CFAP20DC: variants seen among roughly 807,000 people sequenced by gnomAD.
CFAP20DC encodes protein CFAP20DC.
CFAP20DC carries 84 observed loss-of-function variants against 101.7 expected under a neutral mutation model. That is an observed-to-expected ratio of 0.83 (90% CI 0.69 to 0.99). The LOEUF is 0.99. Ranked by LOEUF, CFAP20DC falls within the 50% of genes least tolerant of loss-of-function variation. CFAP20DC has a pLI of 0.00. For synonymous variants in CFAP20DC, 359 were observed against 351.2 expected (o/e 1.02, Z -0.25); for missense variants, 1,007 against 970.3 (o/e 1.04, Z -0.50).
intron 14 of CFAP20DC, among the ~76,000 whole-genome samples, chr3:58,822,446 G>A (rs2075739460): frequency 6.6e-6 from 1 of 150,896 alleles, no homozygotes; most frequent in Non-Finnish European, 1.5e-5. Flanking sequence ...GTGGGGTGGT[G>A]GGAGGGGGAA....
chr3:58,762,448 G>A (rs1366096946), intron 15 of CFAP20DC, among the ~76,000 whole-genome samples: 1 of 152,104 alleles, frequency 6.6e-6, no homozygotes, highest in Non-Finnish European at 1.5e-5. Context: ...CATGAGATGG[G>A]TTTCCTGAAT....
chr3:58,936,766 G>A (rs909924367), intron 5 of CFAP20DC, among the ~76,000 whole-genome samples: 1 of 152,074 alleles, frequency 6.6e-6, no homozygotes, highest in Admixed American at 6.6e-5. Flanking sequence ...ACACTCTGGG[G>A]ACTGTTGTGG....
In CFAP20DC at chr3:58,894,308, C is replaced by T. The variant is rs1013626943; in HGVS notation, c.551-9599G>A. On this transcript the variant is annotated intron_variant, in intron 6 of 16. Coordinates refer to ENST00000482387, the MANE Select transcript of CFAP20DC (RefSeq NM_001394063.1). The surrounding 1 kb of genome is among the most constrained non-coding windows in gnomAD (Gnocchi z 4.1). The stretch of plus-strand genomic sequence containing the variant: ...TCTTCTGAGACAAGGCAAGTCCCTT[C>T]TGCCTATGAGCCTGTAAAATCAAAA... Among the ~76,000 whole-genome samples the T allele has an allele frequency of 2.0e-5, 3 of 152,248 alleles. No homozygotes were observed. The highest frequency in any genetic ancestry group is 2.9e-5 in the Non-Finnish European group (2 of 68,046).
intron 15 of CFAP20DC, among the ~76,000 whole-genome samples, chr3:58,790,880 T>G (rs112841293): frequency 1.3e-5 from 2 of 152,080 alleles, no homozygotes; most frequent in African/African-American, 4.8e-5. Context: ...AATGTGAGAC[T>G]AGAGGAGAAA....
Position 58,863,458 on chromosome 3 carries a change from G to GCAGTTGAT in CFAP20DC, c.1593+92_1593+99dup. ...GCAATCTGTTGCATTTTTATAAATAGCAGTTGATTTTCCCTCTTTCATTTC... is the reference window on the plus strand; with the variant it reads ...GCAATCTGTTGCATTTTTATAAATAGCAGTTGATCAGTTGATTTTCCCTCTTTCATTTC... On this transcript the variant is annotated intron_variant, in intron 12 of 16. Coordinates refer to ENST00000482387, the MANE Select transcript of CFAP20DC (RefSeq NM_001394063.1). This position sits in a 1 kb window ranked among gnomAD's most constrained non-coding sequence, Gnocchi z 5.9. 1 of 1,513,492 alleles carries GCAGTTGAT rather than the reference G, an allele frequency of 6.6e-7. No homozygotes were observed. Among genetic ancestry groups the GCAGTTGAT allele is most frequent in the Non-Finnish European group, 8.8e-7 (1 of 1,132,946 alleles). The allele number at this position is 1,513,492 out of a possible 1,614,324, so 93.8% of individuals were successfully genotyped here.
intron 5 of CFAP20DC, among the ~76,000 whole-genome samples, chr3:58,915,223 A>C (rs1412694650): frequency 6.6e-6 from 1 of 152,154 alleles, no homozygotes; most frequent in Non-Finnish European, 1.5e-5. Flanking sequence ...CCTGTCAGTC[A>C]TCTAAACACG....
In CFAP20DC at chr3:58,884,632, G is replaced by T. The variant is rs1275636096; in HGVS notation, c.628C>A (p.Pro210Thr). The T allele has an allele frequency of 3.7e-6, 6 of 1,613,744 alleles. No individual in the cohort carries two copies. The highest frequency in any genetic ancestry group is 5.1e-6 in the Non-Finnish European group (6 of 1,179,698). ...ATGTTTAGCAGCTGTGTGACATGTG[G>T]AACATCTGTCATTAGTTGACAGCTT... ...PRSCQLMTDV[P>T]HVTQLLNMTK... Residue 210 changes from proline (P) to threonine (T), a missense_variant, in exon 7 of 17, where the codon CCA (proline) becomes ACA (threonine). Coordinates refer to ENST00000482387, the MANE Select transcript of CFAP20DC (RefSeq NM_001394063.1).
At chr3:58,909,725 GTTTAA>G (rs927497791) in intron 6 of CFAP20DC, among the ~76,000 whole-genome samples, 4 of 152,010 alleles carry the variant, frequency 2.6e-5, no homozygotes, top group African/African-American at 9.7e-5. Context: ...ATTAAATTAA[GTTTAA>G]TTTAATTTTA....
Position 58,747,992 on chromosome 3 carries a change from C to T in CFAP20DC, c.2333-5420G>A, listed in dbSNP as rs149953577. 8.2e-3 allele frequency among the ~76,000 whole-genome samples: 1,245 copies of T among 152,202 alleles called. 8 individuals carry two copies. Among genetic ancestry groups the T allele is most frequent in the Non-Finnish European group, 0.012 (844 of 68,000 alleles). Reference sequence around the variant, plus strand: ...TATTATATTTCAGGTGTCATTTGGGCAATAGGTACATTACCCCTTTTGTAA... The same window carrying T: ...TATTATATTTCAGGTGTCATTTGGGTAATAGGTACATTACCCCTTTTGTAA... On this transcript the variant is annotated intron_variant, in intron 16 of 16. Coordinates refer to ENST00000482387, the MANE Select transcript of CFAP20DC (RefSeq NM_001394063.1).
chr3:58,744,992 G>A (rs1575533037), intron 16 of CFAP20DC, among the ~76,000 whole-genome samples: 2 of 152,234 alleles, frequency 1.3e-5, no homozygotes, highest in Admixed American at 6.5e-5. Context: ...AAGTATGAAA[G>A]GACTTTGCTA....
intron 4 of CFAP20DC, among the ~76,000 whole-genome samples, chr3:59,034,763 C>T (rs913785194): frequency 6.6e-6 from 1 of 152,176 alleles, no homozygotes; most frequent in Non-Finnish European, 1.5e-5. Context: ...TAACACCCCA[C>T]TGTCAATATT....
At position 58,946,686 on chromosome 3, in the gene CFAP20DC, C is replaced by T. The variant is rs2089413420; in HGVS notation, c.279-8924G>A. Among the ~76,000 whole-genome samples the T allele has an allele frequency of 3.9e-5, 6 of 151,964 alleles. No individual in the cohort carries two copies. In the South Asian group the frequency reaches 1.2e-3, roughly 32 times the overall value. ...GGACAGAAACCAGGGGGTTAGCACC[C>T]GAGACTCCAGGAGAGAACATCCGAA... On this transcript the variant is annotated intron_variant, in intron 4 of 16. Coordinates refer to ENST00000482387, the MANE Select transcript of CFAP20DC (RefSeq NM_001394063.1).
intron 14 of CFAP20DC, among the ~76,000 whole-genome samples, chr3:58,811,779 T>C (rs1254228537): frequency 1.3e-5 from 2 of 151,766 alleles, no homozygotes; most frequent in Admixed American, 1.3e-4. Context: ...ACCTACAAAA[T>C]GGGAGAAAAT....
At position 59,032,962 on chromosome 3, in the gene CFAP20DC, C is replaced by T. The variant is rs189268811; in HGVS notation, c.278+6595G>A. 6.8e-4 allele frequency among the ~76,000 whole-genome samples: 103 copies of T among 152,250 alleles called. 1 individual carries two copies. The highest frequency in any genetic ancestry group is 3.4e-3 in the Middle Eastern group (1 of 294). On this transcript the variant is annotated intron_variant, in intron 4 of 16. Transcript: ENST00000482387. Reference sequence around the variant, plus strand: ...CATACAGGAGAGCTCCAGCTGGCATCTGGCAGGTGTGCCTCTGGGATGAAG... The same window carrying T: ...CATACAGGAGAGCTCCAGCTGGCATTTGGCAGGTGTGCCTCTGGGATGAAG...
At chr3:59,048,207 A>T (rs531323429) in intron 1 of CFAP20DC, among the ~76,000 whole-genome samples, 6 of 152,366 alleles carry the variant, frequency 3.9e-5, no homozygotes, top group African/African-American at 1.4e-4. Context: ...TATGAGGATT[A>T]AATACGGTTT....
intron 4 of CFAP20DC, among the ~76,000 whole-genome samples, chr3:58,954,553 G>T (rs191994276): frequency 6.6e-6 from 1 of 152,230 alleles, no homozygotes; most frequent in East Asian, 1.9e-4. Context: ...TATGTAAAAC[G>T]TTTCGATATA....
At chr3:59,032,834 GCACTCGAGC>G (rs2094022717) in intron 4 of CFAP20DC, among the ~76,000 whole-genome samples, 1 of 152,142 alleles carries the variant, frequency 6.6e-6, no homozygotes, top group Admixed American at 6.5e-5. Flanking sequence ...TCCCAGCACA[GCACTCGAGC>G]TCTGCTAAGG....
intron 4 of CFAP20DC, among the ~76,000 whole-genome samples, chr3:59,011,948 G>C (rs1180785440): frequency 6.6e-6 from 1 of 152,162 alleles, no homozygotes; most frequent in Non-Finnish European, 1.5e-5. Context: ...GGTGCAGAGA[G>C]TTTAAATTTA....
At chr3:58,942,445 G>A (rs1246332536) in intron 4 of CFAP20DC, among the ~76,000 whole-genome samples, 10 of 152,130 alleles carry the variant, frequency 6.6e-5, no homozygotes, top group Non-Finnish European at 1.5e-4. Context: ...AGGGTGGGGC[G>A]TTGCCTCACC....
Sources: gnomAD v4.1 joint callset for allele counts (sites outside exome capture counted in the v4.1 genomes callset) on GRCh38, gnomAD v4.1.1 for gene constraint, Gnocchi (gnomAD v3.1) non-coding constraint, MANE v1.5 for transcripts, NCBI Gene and HGNC (gene_info 2026-07-23, HGNC 2026-07-21) for gene names.